The following TEF variants were observed in gnomAD, a reference collection of about 807,000 sequenced individuals.
The protein encoded by TEF is TEF transcription factor, PAR bZIP family member.
A neutral mutation model predicts 20.8 loss-of-function variants in TEF; 3 were observed. The ratio of observed to expected loss-of-function variants is 0.14; its 90% CI spans 0.07 to 0.37. The LOEUF is 0.37. Among genes scored for constraint, TEF ranks in the 10% least tolerant of loss-of-function variants. TEF has a pLI of 1.00. For synonymous variants in TEF, 180 were observed against 171.1 expected (o/e 1.05, Z -0.41); for missense variants, 296 against 397.9 (o/e 0.74, Z 2.18).
At chr22:41,381,806 C>T, upstream of TEF, 1 of 1,061,902 alleles carries the variant, frequency 9.4e-7, no homozygotes, top group Non-Finnish European at 1.2e-6. Flanking sequence ...TCTGCGCCTG[C>T]CCCTCTCGCA....
chr22:41,386,494 A>G (rs1031245302), intron 1 of TEF, among the ~76,000 whole-genome samples: 4 of 151,412 alleles, frequency 2.6e-5, no homozygotes, highest in Non-Finnish European at 5.9e-5. Flanking sequence ...TAATCCCAGT[A>G]CTTTGGGAGG....
intron 1 of TEF, among the ~76,000 whole-genome samples, chr22:41,384,562 C>A (rs975154043): frequency 3.3e-5 from 5 of 152,154 alleles, no homozygotes; most frequent in African/African-American, 7.2e-5. Context: ...CAGCTCCAGG[C>A]CCTTTCTAAT....
chr22:41,397,113 C>T lies in TEF; in HGVS notation c.*1153C>T, dbSNP rs1372415293. The T allele has an allele frequency of 5.0e-6, 2 of 398,580 alleles. No homozygotes were observed. Among genetic ancestry groups the T allele is most frequent in the Non-Finnish European group, 8.8e-6 (2 of 226,138 alleles). The allele number at this position is 398,580 out of a possible 1,614,324, so 24.7% of individuals were successfully genotyped here. A position where few individuals can be genotyped will look rare whatever the true frequency, so the allele number is the denominator to read the frequency against. Reference sequence around the variant, plus strand: ...CCCGGAGGGTGTCAGCAGGGCAAGACACCTAGTCTAGAGTCACCAAGGTCA... The same window carrying T: ...CCCGGAGGGTGTCAGCAGGGCAAGATACCTAGTCTAGAGTCACCAAGGTCA... On this transcript the variant is annotated 3_prime_UTR_variant, in exon 4 of 4. Coordinates refer to ENST00000266304, the MANE Select transcript of TEF (RefSeq NM_003216.4).
rs921447193 is a variant in TEF at position 41,396,988 on chromosome 22, C to G, written c.*1028C>G. The G allele has an allele frequency of 2.5e-6, 1 of 398,706 alleles. No individual in the cohort carries two copies. The highest frequency in any genetic ancestry group is 2.1e-5 in the African/African-American group (1 of 48,724). The allele number at this position is 398,706 out of a possible 1,614,324, so 24.7% of individuals were successfully genotyped here. ...TGTTTCTTGAGAAGCTCCCTTTTTT[C>G]TTGCTCTGCTCACCGGTGTGGCCTG... On this transcript the variant is annotated 3_prime_UTR_variant, in exon 4 of 4. Coordinates refer to ENST00000266304, the MANE Select transcript of TEF (RefSeq NM_003216.4).
chr22:41,387,445 CAA>C lies in TEF; in HGVS notation c.253_254del (p.Lys85AspfsTer5). ...CCTCCCTCATGCCACCCATCTGGGA[CAA>C]GACCATCCCATATGATGGCGAATCT... ...SASLMPPIWD[K>X]TIPYDGESFH... On this transcript the variant is annotated frameshift_variant, in exon 2 of 4. Transcript: ENST00000266304. LOFTEE classifies it high-confidence loss of function. 1.2e-6 allele frequency: 2 copies of C among 1,614,248 alleles called. No homozygotes were observed. The highest frequency in any genetic ancestry group is 1.7e-6 in the Non-Finnish European group (2 of 1,180,054).
Position 41,396,530 on chromosome 22 carries a change from G to T in TEF, c.*570G>T, listed in dbSNP as rs538089911. 6 of 171,010 alleles carry T rather than the reference G, an allele frequency of 3.5e-5. No homozygotes were observed. In the South Asian group the frequency reaches 1.2e-3, roughly 34 times the overall value. 10.6% of individuals were successfully genotyped at this position (171,010 alleles called of 1,614,324 possible). A position where few individuals can be genotyped will look rare whatever the true frequency, so the allele number is the denominator to read the frequency against. ...ATGGGTAGCAGGCTGCAGGAGTGGG[G>T]TCTCTGCACAGCCTGGGATGGGGCT... On this transcript the variant is annotated 3_prime_UTR_variant, in exon 4 of 4. Transcript: ENST00000266304.
In TEF at chr22:41,397,289, C is replaced by G; in HGVS notation, c.*1329C>G. 1 of 396,142 alleles carries G rather than the reference C, an allele frequency of 2.5e-6. No homozygotes were observed. Among genetic ancestry groups the G allele is most frequent in the Admixed American group, 4.4e-5 (1 of 22,666 alleles). 24.5% of individuals were successfully genotyped at this position (396,142 alleles called of 1,614,324 possible). A position where few individuals can be genotyped will look rare whatever the true frequency, so the allele number is the denominator to read the frequency against. ...TGGTCTCCCCTGCCTCACAACGACT[C>G]CTTTCTCTTGTGTGGCGGGACTCGC... On this transcript the variant is annotated 3_prime_UTR_variant, in exon 4 of 4. Coordinates refer to ENST00000266304, the MANE Select transcript of TEF (RefSeq NM_003216.4).
At chr22:41,372,335 C>T (rs1177736668) in intron 1 of TEF, among the ~76,000 whole-genome samples, 2 of 152,152 alleles carry the variant, frequency 1.3e-5, no homozygotes, top group South Asian at 2.1e-4. Context: ...GACGGCATGT[C>T]GAGGAGTGAT....
At chr22:41,384,432 GTCTT>G (rs2037071519) in intron 1 of TEF, among the ~76,000 whole-genome samples, 1 of 152,112 alleles carries the variant, frequency 6.6e-6, no homozygotes, top group African/African-American at 2.4e-5. Flanking sequence ...AATAGGAGCA[GTCTT>G]TCTTCTTCAA....
chr22:41,373,193 G>A (rs1168132099), intron 1 of TEF, among the ~76,000 whole-genome samples: 1 of 152,176 alleles, frequency 6.6e-6, no homozygotes, highest in African/African-American at 2.4e-5. Context: ...CTATAGGCCA[G>A]GTGGTGTCCT....
intron 1 of TEF, 87 bp downstream of exon 1, chr22:41,382,288 G>A: frequency 9.0e-7 from 1 of 1,106,532 alleles, no homozygotes; most frequent in Non-Finnish European, 1.1e-6. Flanking sequence ...GGGAGGCAGT[G>A]GGTCAGGGAG....
Position 41,382,093 on chromosome 22 carries a change from G to C in TEF, c.49G>C (p.Gly17Arg), listed in dbSNP as rs1342942347. 8.1e-7 allele frequency: 1 copy of C among 1,232,326 alleles called. No individual in the cohort carries two copies. Among genetic ancestry groups the C allele is most frequent in the African/African-American group, 1.6e-5 (1 of 64,446 alleles). The allele number at this position is 1,232,326 out of a possible 1,614,324, so 76.3% of individuals were successfully genotyped here. A position where few individuals can be genotyped will look rare whatever the true frequency, so the allele number is the denominator to read the frequency against. The change falls in exon 1 of 4, where the codon GGA becomes CGA. Residue 17 changes from glycine to arginine, a missense_variant. Physicochemically the swap from Gly to Arg is moderately radical, Grantham distance 125. This residue lies in a region of TEF where 102 missense variants were observed against 80.1 expected (regional missense o/e 1.27). Coordinates refer to ENST00000266304, the MANE Select transcript of TEF (RefSeq NM_003216.4). ...GKKPPVDPQAGPGPGPGRAAG... is the reference protein window; with the variant it reads ...GKKPPVDPQARPGPGPGRAAG... ...GAAGCCGCCTGTGGACCCGCAGGCA[G>C]GACCCGGTCCGGGGCCGGGGCGCGC...
At chr22:41,377,537 G>T (rs1050342989), upstream of TEF, among the ~76,000 whole-genome samples, 9 of 152,162 alleles carry the variant, frequency 5.9e-5, no homozygotes, top group Admixed American at 6.6e-5. Context: ...CACTAAGACG[G>T]GGCAAGGTCA....
chr22:41,374,694 G>A (rs1427049567), intron 1 of TEF, among the ~76,000 whole-genome samples: 2 of 151,016 alleles, frequency 1.3e-5, no homozygotes, highest in Admixed American at 1.3e-4. Context: ...CCAGCCTGGG[G>A]GACAGAGCAA....
At chr22:41,369,148 T>G (rs1444836137) in intron 1 of TEF, 7 of 985,170 alleles carry the variant, frequency 7.1e-6, no homozygotes, top group Non-Finnish European at 1.2e-6. Context: ...CAGGGGCGAC[T>G]CGGGGCACTG....
intron 1 of TEF, among the ~76,000 whole-genome samples, chr22:41,375,326 C>G (rs1449377950): frequency 6.6e-6 from 1 of 152,204 alleles, no homozygotes; most frequent in African/African-American, 2.4e-5. Context: ...AGCCCAGGCA[C>G]AGGTATGTGG....
intron 1 of TEF, among the ~76,000 whole-genome samples, chr22:41,386,918 C>T (rs1206048158): frequency 6.6e-6 from 1 of 151,956 alleles, no homozygotes; most frequent in Non-Finnish European, 1.5e-5. Flanking sequence ...GTGGTGCGTA[C>T]CTGTAATCCC....
chr22:41,380,706 T>C (rs1054867810), upstream of TEF, among the ~76,000 whole-genome samples: 3 of 152,168 alleles, frequency 2.0e-5, no homozygotes, highest in Non-Finnish European at 4.4e-5. Flanking sequence ...GGTACAAAGT[T>C]CTGAGCGCTG....
rs11546403 is a variant in TEF at position 41,387,655 on chromosome 22, C to T, written c.462C>T (p.Thr154=). 0.23 allele frequency: 376,408 copies of T among 1,612,700 alleles called. 49,928 individuals are homozygous for T. The highest frequency in any genetic ancestry group is 0.51 in the Admixed American group (30,236 of 59,734). The change falls in exon 2 of 4, where the codon ACC becomes ACT. Residue 154 remains threonine, a synonymous_variant. Transcript: ENST00000266304. ...CTGCCATCTTTCAGCCCTCTGAAAC[C>T]GTGTCCAGCACAGGTTGGTGAAAGG... ...SSTAIFQPSE[T]VSSTESSLEK... is the part of the protein sequence containing the mutation.
Sources: gnomAD v4.1 joint callset for allele counts (sites outside exome capture counted in the v4.1 genomes callset) on GRCh38, gnomAD v4.1.1 for gene constraint, gnomAD v4.1.1 regional missense constraint, MANE v1.5 for transcripts, NCBI Gene and HGNC (gene_info 2026-07-23, HGNC 2026-07-21) for gene names.